ARAP3: variants seen among roughly 807,000 people sequenced by gnomAD.
ARAP3 encodes the protein arf-GAP with Rho-GAP domain, ANK repeat and PH domain-containing protein 3.
ARAP3 carries 82 observed loss-of-function variants against 169.2 expected under a neutral mutation model. The observed-to-expected ratio is 0.48, with a 90% CI of 0.41 to 0.58. The LOEUF (loss-of-function observed/expected upper bound fraction) is 0.58. Among genes scored for constraint, ARAP3 ranks in the 20% least tolerant of loss-of-function variants. The probability of loss-of-function intolerance (pLI) is 0.00; values close to 1 mark genes in which losing one functional copy is unlikely to be tolerated. For missense variants in ARAP3, 1,764 were observed against 2,018.0 expected (o/e 0.87, Z 2.41); for synonymous variants, 791 against 800.3 (o/e 0.99, Z 0.20).
chr5:141,661,549 C>T, intron 21 of ARAP3, 135 bp downstream of exon 21: 1 of 907,042 alleles, frequency 1.1e-6, no homozygotes, highest in Non-Finnish European at 1.7e-6. Flanking sequence ...ATTCTCTGAA[C>T]CTTAGTGCTA....
chr5:141,680,013 G>C lies in ARAP3; in HGVS notation c.474C>G (p.Ser158=). 6.2e-7 allele frequency: 1 copy of C among 1,614,186 alleles called. No homozygotes were observed. The highest frequency in any genetic ancestry group is 8.5e-7 in the Non-Finnish European group (1 of 1,180,050). ...ALNTVEMMPN[S]IYFGLDSRGR... Reference sequence around the variant, plus strand: ...CTCTTGAGTCCAGGCCGAAGTAGATGGAATTAGGCATCATCTCCACAGTAT... The same window carrying C: ...CTCTTGAGTCCAGGCCGAAGTAGATCGAATTAGGCATCATCTCCACAGTAT... Residue 158 remains serine, a synonymous_variant, in exon 2 of 33, where the codon TCC becomes TCG. Transcript: ENST00000239440.
intron 4 of ARAP3, among the ~76,000 whole-genome samples, chr5:141,679,000 TTCTC>T (rs1208978889): frequency 6.6e-6 from 1 of 152,168 alleles, no homozygotes; most frequent in Non-Finnish European, 1.5e-5. Context: ...TGAAAAGCAC[TTCTC>T]CTGGTTGGGC....
intron 21 of ARAP3, among the ~76,000 whole-genome samples, chr5:141,661,174 G>A (rs1314048618): frequency 2.7e-5 from 4 of 149,820 alleles, no homozygotes; most frequent in East Asian, 2.0e-4. Flanking sequence ...AGCGATTCTC[G>A]TGCCTCAGCC....
intron 23 of ARAP3, 97 bp from the exon 24 acceptor site, chr5:141,658,750 C>A: frequency 3.7e-6 from 4 of 1,089,118 alleles, no homozygotes; most frequent in Non-Finnish European, 5.1e-6. Flanking sequence ...GTGACTCTTC[C>A]AACAAAGGTC....
intron 4 of ARAP3, 87 bp from the exon 5 acceptor site, chr5:141,673,895 C>A: frequency 4.1e-6 from 5 of 1,218,698 alleles, no homozygotes; most frequent in Non-Finnish European, 5.7e-6. Context: ...ACTCACATCA[C>A]CTAAGAATAG....
chr5:141,667,098 G>C (rs762020405), intron 16 of ARAP3, among the ~76,000 whole-genome samples: 1 of 151,906 alleles, frequency 6.6e-6, no homozygotes, highest in Non-Finnish European at 1.5e-5. Context: ...TTTTTTTGTA[G>C]AGATAGGGTT....
chr5:141,662,342 T>C (rs1016714930), intron 19 of ARAP3, 87 bp from the exon 20 acceptor site: 3 of 1,271,532 alleles, frequency 2.4e-6, no homozygotes, highest in Admixed American at 3.6e-5. Context: ...CTATGTGGTA[T>C]GTGGCTGATG....
rs754530811 is a variant in ARAP3 at position 141,671,837 on chromosome 5, G to T, written c.1671+58C>A. ...ATTCCTGTCCCCAGGCTGGCCCAAG[G>T]CCTGCTTCTGGACGCTCCCTTCTAC... On this transcript the variant is annotated intron_variant, in intron 11 of 32. Coordinates refer to ENST00000239440, the MANE Select transcript of ARAP3 (RefSeq NM_022481.6). The surrounding 1 kb of genome is among the most constrained non-coding windows in gnomAD (Gnocchi z 4.9). 6.2e-6 allele frequency: 10 copies of T among 1,612,672 alleles called. No homozygotes were observed. The East Asian group carries it at 1.3e-4, about 22-fold the overall frequency.
chr5:141,659,351 T>G (rs769832474), intron 23 of ARAP3, 57 bp downstream of exon 23: 158 of 1,534,524 alleles, frequency 1.0e-4, no homozygotes, highest in Non-Finnish European at 1.4e-4. Context: ...AAAGTCAGCT[T>G]CCTGTCCTGA....
chr5:141,669,888 G>T (rs762835727), intron 15 of ARAP3, 34 bp downstream of exon 15: 10 of 1,609,178 alleles, frequency 6.2e-6, no homozygotes, highest in Non-Finnish European at 8.5e-6. Context: ...GAAGAGAAAA[G>T]GGGGAAGCTC....
At chr5:141,666,053 A>T (rs1335639648) in intron 17 of ARAP3, among the ~76,000 whole-genome samples, 2 of 132,800 alleles carry the variant, frequency 1.5e-5, no homozygotes, top group East Asian at 2.3e-4. Flanking sequence ...AAAAAAAAAA[A>T]ATAATAATAA....
intron 21 of ARAP3, among the ~76,000 whole-genome samples, chr5:141,660,425 C>T (rs561559453): frequency 2.0e-5 from 3 of 149,784 alleles, no homozygotes; most frequent in East Asian, 2.0e-4. Context: ...ACCCTGGAGG[C>T]GGAGCTTGCA....
chr5:141,661,731 CG>C lies in ARAP3; in HGVS notation c.3071del (p.Pro1024ArgfsTer24). 1 of 1,614,206 alleles carries C rather than the reference CG, an allele frequency of 6.2e-7. No homozygotes were observed. Among genetic ancestry groups the C allele is most frequent in the Non-Finnish European group, 8.5e-7 (1 of 1,180,042 alleles). On this transcript the variant is annotated frameshift_variant, in exon 21 of 33. Coordinates refer to ENST00000239440, the MANE Select transcript of ARAP3 (RefSeq NM_022481.6). LOFTEE classifies it high-confidence loss of function. Reference sequence around the variant, plus strand: ...TGGCCAGTGTGCGGCGGTTGACCCGCGGCAGGCAGCCAATCACATCTTTATA... The same window carrying C: ...TGGCCAGTGTGCGGCGGTTGACCCGCGCAGGCAGCCAATCACATCTTTATA... ...EKYKDVIGCL[P>X]RVNRRTLATL...
At chr5:141,664,657 C>T (rs2099910404) in intron 19 of ARAP3, among the ~76,000 whole-genome samples, 1 of 152,186 alleles carries the variant, frequency 6.6e-6, no homozygotes, top group African/African-American at 2.4e-5. Context: ...GCGCTCAAGG[C>T]TTGACAGGCA....
At chr5:141,660,187 G>A (rs1163114731) in intron 21 of ARAP3, among the ~76,000 whole-genome samples, 1 of 152,170 alleles carries the variant, frequency 6.6e-6, no homozygotes, top group Non-Finnish European at 1.5e-5. Context: ...CATCATGAAA[G>A]GAGCTATAGA....
At chr5:141,665,470 G>C in intron 17 of ARAP3, 96 bp from the exon 18 acceptor site, 1 of 1,323,092 alleles carries the variant, frequency 7.6e-7, no homozygotes, top group Non-Finnish European at 1.1e-6. Context: ...GCCAGGCTAG[G>C]AGCATTACAA....
At chr5:141,670,181 C>T in intron 14 of ARAP3, 118 bp from the exon 15 acceptor site, 1 of 1,359,016 alleles carries the variant, frequency 7.4e-7, no homozygotes, top group East Asian at 2.5e-5. Flanking sequence ...CCCATGTAAT[C>T]TTCACAATAA....
intron 4 of ARAP3, among the ~76,000 whole-genome samples, chr5:141,677,780 TTTTTTGTTTTTG>T (rs368222991): frequency 1.4e-5 from 2 of 143,628 alleles, no homozygotes; most frequent in Non-Finnish European, 3.2e-5. Context: ...TGTTTTTGTT[TTTTTTGTTTTTG>T]TTTTTGTTTT....
chr5:141,680,273 C>T lies in ARAP3; in HGVS notation c.214G>A (p.Asp72Asn), dbSNP rs1186879516. Reference sequence around the variant, plus strand: ...TCCATGGCACTATCTGATTTGGGATCCAGGGAGCCCTCTTCGGTGCCTGTC... The same window carrying T: ...TCCATGGCACTATCTGATTTGGGATTCAGGGAGCCCTCTTCGGTGCCTGTC... Reference protein sequence around the residue: ...LQTGTEEGSLDPKSDSAMEPS... With the variant: ...LQTGTEEGSLNPKSDSAMEPS... The change falls in exon 2 of 33, where the codon GAT becomes AAT. Residue 72 changes from aspartate to asparagine, a missense_variant. Around this residue, in one of 3 missense-constraint regions of ARAP3, gnomAD observed 630 missense variants for 678.7 expected, o/e 0.93. Coordinates refer to ENST00000239440, the MANE Select transcript of ARAP3 (RefSeq NM_022481.6). 1 of 1,614,180 alleles carries T rather than the reference C, an allele frequency of 6.2e-7. No individual in the cohort carries two copies. The highest frequency in any genetic ancestry group is 1.6e-4 in the Middle Eastern group (1 of 6,062).
Sources: gnomAD v4.1 joint callset for allele counts (sites outside exome capture counted in the v4.1 genomes callset) on GRCh38, gnomAD v4.1.1 for gene constraint, gnomAD v4.1.1 regional missense constraint, Gnocchi (gnomAD v3.1) non-coding constraint, MANE v1.5 for transcripts, NCBI Gene and HGNC (gene_info 2026-07-23, HGNC 2026-07-21) for gene names.